ASTN1: variants seen among roughly 807,000 people sequenced by gnomAD.
ASTN1 encodes astrotactin 1, also known as astrotactin-1.
In ASTN1, 41 loss-of-function variants were observed where a neutral mutation model predicts 140.7. The observed-to-expected ratio is 0.29, with a 90% CI of 0.23 to 0.38. The LOEUF (loss-of-function observed/expected upper bound fraction) is 0.38, where lower values mean the gene tolerates loss of function less well. Ranked by LOEUF, ASTN1 falls within the 10% of genes least tolerant of loss-of-function variation. The probability of loss-of-function intolerance (pLI) is 1.00; values close to 1 mark genes in which losing one functional copy is unlikely to be tolerated. For missense variants in ASTN1, 1,479 were observed against 1,678.8 expected (o/e 0.88, Z 2.08); for synonymous variants, 640 against 652.2 (o/e 0.98, Z 0.29).
Position 177,032,440 on chromosome 1 carries a change from T to C in ASTN1, c.865+16A>G. 6.2e-7 allele frequency: 1 copy of C among 1,608,696 alleles called. No individual in the cohort carries two copies. The highest frequency in any genetic ancestry group is 8.5e-7 in the Non-Finnish European group (1 of 1,177,072). Reference sequence around the variant, plus strand: ...ATGAAGGACCAAACAGCCCCTTGCCTTTCTCCCATCCCCACCTGGTGTGAG... The same window carrying C: ...ATGAAGGACCAAACAGCCCCTTGCCCTTCTCCCATCCCCACCTGGTGTGAG... On this transcript the variant is annotated intron_variant, in intron 3 of 22. Coordinates refer to ENST00000361833, the MANE Select transcript of ASTN1 (RefSeq NM_004319.3).
intron 8 of ASTN1, among the ~76,000 whole-genome samples, chr1:176,983,697 A>AT (rs1673742296): frequency 6.6e-6 from 1 of 152,008 alleles, no homozygotes; most frequent in South Asian, 2.1e-4. Context: ...TGCGTGGGCC[A>AT]TTTTTTTGCT....
intron 18 of ASTN1, among the ~76,000 whole-genome samples, chr1:176,886,971 G>C (rs1406414549): frequency 1.3e-5 from 2 of 152,112 alleles, no homozygotes; most frequent in Non-Finnish European, 2.9e-5. Context: ...TCTTGTCTCA[G>C]GTCCTGGCCC....
At chr1:177,010,144 C>T (rs1373835780) in intron 8 of ASTN1, among the ~76,000 whole-genome samples, 2 of 152,166 alleles carry the variant, frequency 1.3e-5, no homozygotes, top group African/African-American at 2.4e-5. Context: ...ATCTCTCTTG[C>T]CTCCTCCACC....
rs551944277 is a variant in ASTN1, at chr1:177,138,115, G to C, written c.283+26279C>G. Reference sequence around the variant, plus strand: ...CTGGTGCTCAGATCAACTCTCCCTAGGGGAAAAGGGAACCCAACCATCAGG... The same window carrying C: ...CTGGTGCTCAGATCAACTCTCCCTACGGGAAAAGGGAACCCAACCATCAGG... On this transcript the variant is annotated intron_variant, in intron 1 of 22. Coordinates refer to ENST00000361833, the MANE Select transcript of ASTN1 (RefSeq NM_004319.3). 2.6e-5 allele frequency among the ~76,000 whole-genome samples: 4 copies of C among 152,226 alleles called. No individual in the cohort carries two copies. The South Asian group carries it at 8.3e-4, about 32-fold the overall frequency.
rs1557971243 is a variant in ASTN1, at chr1:176,934,329, C to T, written c.2494G>A (p.Ala832Thr). 4 of 1,611,616 alleles carry T rather than the reference C, an allele frequency of 2.5e-6. No homozygotes were observed. The highest frequency in any genetic ancestry group is 3.4e-6 in the Non-Finnish European group (4 of 1,178,158). ...QVAISQALSNALHSLDGATSR... is the reference protein window; with the variant it reads ...QVAISQALSNTLHSLDGATSR... ...GTAGCCCCATCCAGCGAGTGGAGAGCATTGCTGAGGGCTATGGAGAGGCAT... is the reference window on the plus strand; with the variant it reads ...GTAGCCCCATCCAGCGAGTGGAGAGTATTGCTGAGGGCTATGGAGAGGCAT... The change falls in exon 16 of 23, where the codon GCT becomes ACT. Residue 832 changes from alanine (A) to threonine (T), a missense_variant. Ala to Thr is a moderately conservative substitution (Grantham distance 58). Coordinates refer to ENST00000361833, the MANE Select transcript of ASTN1 (RefSeq NM_004319.3).
intron 1 of ASTN1, among the ~76,000 whole-genome samples, chr1:177,149,136 A>C (rs1182866190): frequency 1.5e-5 from 2 of 129,606 alleles, no homozygotes; most frequent in East Asian, 4.5e-4. Flanking sequence ...TATATAGTGC[A>C]TATATATAGT....
chr1:176,861,303 T>C lies in ASTN1; in HGVS notation c.*2981A>G, dbSNP rs1056916039. 3.4e-5 allele frequency: 34 copies of C among 985,706 alleles called. No individual in the cohort carries two copies. In the African/African-American group the frequency reaches 5.6e-4, roughly 16 times the overall value. 61.1% of individuals were successfully genotyped at this position (985,706 alleles called of 1,614,324 possible). A position where few individuals can be genotyped will look rare whatever the true frequency, so the allele number is the denominator to read the frequency against. Reference sequence around the variant, plus strand: ...ACGGACCAAACTCCATGGAAAACGATTGCACACTCAATTAAAAGTCTAATG... The same window carrying C: ...ACGGACCAAACTCCATGGAAAACGACTGCACACTCAATTAAAAGTCTAATG... On this transcript the variant is annotated 3_prime_UTR_variant, in exon 23 of 23. Transcript: ENST00000361833.
In ASTN1 at chr1:176,934,234, G is replaced by T; in HGVS notation, c.2589C>A (p.Gly863=). 6 of 1,614,080 alleles carry T rather than the reference G, an allele frequency of 3.7e-6. No individual in the cohort carries two copies. Among genetic ancestry groups the T allele is most frequent in the Non-Finnish European group, 5.1e-6 (6 of 1,179,978 alleles). The change falls in exon 16 of 23, where the codon GGC becomes GGA. Residue 863 remains glycine (G), a synonymous_variant. Transcript: ENST00000361833. ...ACCAGATAGAACAGGACTCCTCAAA[G>T]CCGTAGATAGCTTCCTGGATGTAAT... ...GNHYIQEAIY[G]FEESCSIWYP...
chr1:176,978,667 G>A (rs903474894), intron 8 of ASTN1, among the ~76,000 whole-genome samples: 2 of 152,116 alleles, frequency 1.3e-5, no homozygotes, highest in Non-Finnish European at 2.9e-5. Context: ...AAATGATAAG[G>A]TTGAACTGAA....
chr1:177,015,815 C>T (rs2101941458), intron 7 of ASTN1, among the ~76,000 whole-genome samples: 1 of 152,192 alleles, frequency 6.6e-6, no homozygotes, highest in South Asian at 2.1e-4. Context: ...ATTTTTGCTG[C>T]TTCATTATGT....
intron 1 of ASTN1, among the ~76,000 whole-genome samples, chr1:177,156,225 G>C (rs1164446251): frequency 5.3e-5 from 8 of 149,700 alleles, no homozygotes; most frequent in African/African-American, 2.0e-4. Flanking sequence ...AGCAGAGATT[G>C]CACCACTGCA....
intron 20 of ASTN1, among the ~76,000 whole-genome samples, chr1:176,878,976 C>T (rs1668677815): frequency 6.6e-6 from 1 of 152,152 alleles, no homozygotes; most frequent in African/African-American, 2.4e-5. Flanking sequence ...CGTCCTCTGC[C>T]CAGAGGTGGA....
chr1:177,136,314 A>G (rs1196018773), intron 1 of ASTN1, among the ~76,000 whole-genome samples: 2 of 151,948 alleles, frequency 1.3e-5, no homozygotes, highest in Admixed American at 1.3e-4. Context: ...GTATCATGTG[A>G]AATATCGTAA....
chr1:177,066,652 C>G (rs1678371056), intron 1 of ASTN1, among the ~76,000 whole-genome samples: 1 of 152,200 alleles, frequency 6.6e-6, no homozygotes, highest in African/African-American at 2.4e-5. Context: ...CACATCATGT[C>G]AGGATCAGGA....
chr1:177,111,932 G>A (rs1225137474), intron 1 of ASTN1, among the ~76,000 whole-genome samples: 2 of 152,168 alleles, frequency 1.3e-5, no homozygotes, highest in Non-Finnish European at 2.9e-5. Flanking sequence ...CTGGGGAGAA[G>A]GATGGCAGCT....
chr1:176,903,176 T>G (rs1188657650), intron 16 of ASTN1, among the ~76,000 whole-genome samples: 1 of 152,144 alleles, frequency 6.6e-6, no homozygotes, highest in Non-Finnish European at 1.5e-5. Context: ...TCCATGGGAT[T>G]TTCCTAAAGC....
intron 8 of ASTN1, among the ~76,000 whole-genome samples, chr1:176,968,672 G>A (rs566284870): frequency 6.6e-6 from 1 of 152,354 alleles, no homozygotes; most frequent in South Asian, 2.1e-4. Flanking sequence ...CTGTCAGAGA[G>A]ATGAGAAATC....
intron 5 of ASTN1, among the ~76,000 whole-genome samples, chr1:177,027,089 T>C (rs1161413201): frequency 6.6e-6 from 1 of 152,196 alleles, no homozygotes; most frequent in Non-Finnish European, 1.5e-5. Context: ...ACCATCATAG[T>C]TTATGTCTCA....
intron 2 of ASTN1, among the ~76,000 whole-genome samples, chr1:177,048,926 C>T (rs962046329): frequency 1.3e-5 from 2 of 152,160 alleles, no homozygotes; most frequent in African/African-American, 2.4e-5. Context: ...AACAGAGCAG[C>T]CAAAGATTCA....
Sources: allele counts gnomAD v4.1 joint callset (sites outside exome capture counted in the v4.1 genomes callset), GRCh38; gene constraint gnomAD v4.1.1; transcripts MANE v1.5; gene names NCBI Gene and HGNC (gene_info 2026-07-23, HGNC 2026-07-21).